Variants in AUTS2 observed in about 807,000 individuals in gnomAD.
AUTS2 encodes the protein autism susceptibility gene 2 protein.
In AUTS2, 17 loss-of-function variants were observed where a neutral mutation model predicts 112.4. The ratio of observed to expected loss-of-function variants is 0.15; its 90% confidence interval spans 0.10 to 0.23. The LOEUF is 0.23. Ranked by LOEUF, AUTS2 falls within the 10% of genes least tolerant of loss-of-function variation. The probability of loss-of-function intolerance (pLI) is 1.00; values close to 1 mark genes in which losing one functional copy is unlikely to be tolerated. For missense variants in AUTS2, 1,510 were observed against 1,701.6 expected (o/e 0.89, Z 1.98); for synonymous variants, 751 against 702.7 (o/e 1.07, Z -1.09).
intron 4 of AUTS2, among the ~76,000 whole-genome samples, chr7:70,398,702 T>C (rs1439662840): frequency 6.6e-6 from 1 of 152,176 alleles, no homozygotes; most frequent in Non-Finnish European, 1.5e-5. Context: ...CTTTTCAATC[T>C]GGATTACTAT....
intron 4 of AUTS2, among the ~76,000 whole-genome samples, chr7:70,389,697 C>CAG (rs1793767118): frequency 6.6e-6 from 1 of 152,048 alleles, no homozygotes; most frequent in African/African-American, 2.4e-5. Flanking sequence ...TACTTTGGCT[C>CAG]CCTGTTCCAC....
chr7:70,284,974 T>G (rs933352439), intron 4 of AUTS2, among the ~76,000 whole-genome samples: 4 of 152,230 alleles, frequency 2.6e-5, no homozygotes, highest in Non-Finnish European at 5.9e-5. Flanking sequence ...ATGTGCAGCT[T>G]TTATTTACTA....
At chr7:70,752,380 A>G (rs1788922184) in intron 6 of AUTS2, among the ~76,000 whole-genome samples, 1 of 152,208 alleles carries the variant, frequency 6.6e-6, no homozygotes, top group Admixed American at 6.5e-5. Context: ...TTCTCCTGTC[A>G]GGTCTCTACA....
At chr7:70,221,366 G>A (rs1454683427) in intron 4 of AUTS2, among the ~76,000 whole-genome samples, 1 of 151,904 alleles carries the variant, frequency 6.6e-6, no homozygotes, top group Non-Finnish European at 1.5e-5. Flanking sequence ...TTCTTCTTTT[G>A]GTGTAAAATT....
intron 4 of AUTS2, among the ~76,000 whole-genome samples, chr7:70,256,764 C>T (rs1054312968): frequency 3.3e-5 from 5 of 152,092 alleles, no homozygotes; most frequent in Non-Finnish European, 5.9e-5. Flanking sequence ...TATCTTCTTT[C>T]CTGTGTGTTT....
At chr7:70,345,776 A>G (rs1791468238) in intron 4 of AUTS2, among the ~76,000 whole-genome samples, 1 of 152,176 alleles carries the variant, frequency 6.6e-6, no homozygotes, top group Non-Finnish European at 1.5e-5. Context: ...CTAAGAAGCC[A>G]TCGTTTGATC....
chr7:69,634,269 G>A (rs1794415392), intron 1 of AUTS2, among the ~76,000 whole-genome samples: 1 of 151,592 alleles, frequency 6.6e-6, no homozygotes, highest in African/African-American at 2.4e-5. Flanking sequence ...ACAGGCGCCC[G>A]CCATCACGCC....
chr7:69,627,199 G>A (rs1231253633), intron 1 of AUTS2, among the ~76,000 whole-genome samples: 3 of 152,104 alleles, frequency 2.0e-5, no homozygotes, highest in Non-Finnish European at 4.4e-5. Flanking sequence ...AGTTAAACCA[G>A]ACACTTTAGG....
chr7:69,966,767 C>G (rs893497918), intron 2 of AUTS2, among the ~76,000 whole-genome samples: 2 of 152,132 alleles, frequency 1.3e-5, no homozygotes, highest in Admixed American at 1.3e-4. Context: ...CTCTCTGTTT[C>G]TTTCATCTCG....
At chr7:69,894,793 T>C (rs1794677313) in intron 1 of AUTS2, among the ~76,000 whole-genome samples, 1 of 152,190 alleles carries the variant, frequency 6.6e-6, no homozygotes, top group African/African-American at 2.4e-5. Flanking sequence ...AATAGCATGT[T>C]TTGGGGTGGC....
At chr7:69,933,126 CTA>C (rs1284950876) in intron 2 of AUTS2, among the ~76,000 whole-genome samples, 1 of 152,130 alleles carries the variant, frequency 6.6e-6, no homozygotes. Flanking sequence ...TTTCAATAAA[CTA>C]TTATTTTTTC....
intron 1 of AUTS2, among the ~76,000 whole-genome samples, chr7:69,634,995 C>T (rs1430449470): frequency 1.9e-5 from 2 of 107,216 alleles, no homozygotes; most frequent in East Asian, 5.7e-4. Flanking sequence ...AGATCCGCTC[C>T]TTGTAATTTT....
At chr7:70,569,852 A>G (rs1186053235) in intron 5 of AUTS2, among the ~76,000 whole-genome samples, 4 of 152,176 alleles carry the variant, frequency 2.6e-5, no homozygotes, top group Non-Finnish European at 5.9e-5. Flanking sequence ...TTTTTAAACC[A>G]GTAGCCATTT....
chr7:70,717,655 C>G (rs370451762), intron 6 of AUTS2, among the ~76,000 whole-genome samples: 4 of 152,198 alleles, frequency 2.6e-5, no homozygotes, highest in African/African-American at 9.6e-5. Context: ...GAAATCCCTG[C>G]TATTTATCCA....
At chr7:70,652,986 G>A (rs1379612739) in intron 5 of AUTS2, among the ~76,000 whole-genome samples, 2 of 152,038 alleles carry the variant, frequency 1.3e-5, no homozygotes, top group Non-Finnish European at 2.9e-5. Flanking sequence ...CAGGTGTGGT[G>A]GCTCATGCCT....
chr7:70,394,103 A>G (rs2129866376), intron 4 of AUTS2, among the ~76,000 whole-genome samples: 1 of 151,524 alleles, frequency 6.6e-6, no homozygotes, highest in Middle Eastern at 3.4e-3. Flanking sequence ...TCCCTTGGGA[A>G]TTCACCTTAC....
At chr7:69,959,458 A>G (rs1012108091) in intron 2 of AUTS2, among the ~76,000 whole-genome samples, 1 of 152,162 alleles carries the variant, frequency 6.6e-6, no homozygotes, top group Admixed American at 6.5e-5. Context: ...ATATCTATGT[A>G]TATCAAAAAC....
At chr7:69,667,766 T>C (rs1796134570) in intron 1 of AUTS2, among the ~76,000 whole-genome samples, 1 of 152,220 alleles carries the variant, frequency 6.6e-6, no homozygotes. Context: ...TCTGCTCCCC[T>C]GGGGCCCATT....
At chr7:70,208,946 A>G (rs1196040535) in intron 4 of AUTS2, among the ~76,000 whole-genome samples, 1 of 152,106 alleles carries the variant, frequency 6.6e-6, no homozygotes, top group Non-Finnish European at 1.5e-5. Flanking sequence ...TGTGGGTAAA[A>G]TGTATGTTAT....
Sources: allele counts gnomAD v4.1 joint callset (sites outside exome capture counted in the v4.1 genomes callset), GRCh38; gene constraint gnomAD v4.1.1; transcripts MANE v1.5; gene names NCBI Gene and HGNC (gene_info 2026-07-23, HGNC 2026-07-21).